The following XXYLT1 variants were observed in gnomAD, a reference collection of about 807,000 sequenced individuals.
The protein encoded by XXYLT1 is xyloside xylosyltransferase 1.
XXYLT1 carries 20 observed loss-of-function variants against 28.9 expected under a neutral mutation model. The ratio of observed to expected loss-of-function variants is 0.69; its 90% CI spans 0.49 to 1.00. XXYLT1 has a LOEUF of 1.00. Ranked by LOEUF, XXYLT1 falls within the 50% of genes least tolerant of loss-of-function variation. The probability of loss-of-function intolerance (pLI) is 0.00; values close to 1 mark genes in which losing one functional copy is unlikely to be tolerated. For missense variants in XXYLT1, 542 were observed against 560.1 expected (o/e 0.97, Z 0.33); for synonymous variants, 257 against 253.8 (o/e 1.01, Z -0.12).
intron 3 of XXYLT1, among the ~76,000 whole-genome samples, chr3:195,110,273 T>TA (rs144294445): frequency 3.7e-3 from 25 of 6,762 alleles, no homozygotes; most frequent in South Asian, 0.011. Context: ...GGGTGTGTGG[T>TA]GTGTGTGGGG....
At chr3:195,109,616 G>C (rs548316806) in intron 3 of XXYLT1, among the ~76,000 whole-genome samples, 1 of 14,574 alleles carries the variant, frequency 6.9e-5, no homozygotes, top group African/African-American at 2.2e-4. Flanking sequence ...TGTGTTGTAT[G>C]AGTGTGTGTG....
intron 1 of XXYLT1, chr3:195,259,480 G>A (rs2108851945): frequency 2.9e-6 from 2 of 690,012 alleles, no homozygotes; most frequent in Non-Finnish European, 3.6e-6. Flanking sequence ...AGGCTGTGAG[G>A]AAGGGCAGCA....
intron 3 of XXYLT1, among the ~76,000 whole-genome samples, chr3:195,088,431 G>A (rs1468748811): frequency 1.4e-5 from 2 of 144,774 alleles, no homozygotes; most frequent in Non-Finnish European, 3.1e-5. Context: ...CACCTCACAG[G>A]GCCGGGTACT....
At chr3:195,196,123 G>A (rs1276325982) in intron 2 of XXYLT1, among the ~76,000 whole-genome samples, 1 of 152,226 alleles carries the variant, frequency 6.6e-6, no homozygotes, top group South Asian at 2.1e-4. Context: ...CTCCGCACCC[G>A]CACTGTCCAA....
Position 195,209,990 on chromosome 3 carries a change from C to G in XXYLT1, c.652+16719G>C, listed in dbSNP as rs1723241068. The G allele has an allele frequency of 6.6e-6, 1 of 152,592 alleles. No homozygotes were observed. Among genetic ancestry groups the G allele is most frequent in the Non-Finnish European group, 1.5e-5 (1 of 68,370 alleles). The allele number at this position is 152,592 out of a possible 1,614,324, so 9.5% of individuals were successfully genotyped here. ...GAGAAGACGCTCAGCAGAGTCAGCCCCAGAGGCGGCTTGGCAAACACACCA... is the reference window on the plus strand; with the variant it reads ...GAGAAGACGCTCAGCAGAGTCAGCCGCAGAGGCGGCTTGGCAAACACACCA... On this transcript the variant is annotated intron_variant, in intron 2 of 3. Transcript: ENST00000310380. This position sits in a 1 kb window ranked among gnomAD's most constrained non-coding sequence, Gnocchi z 5.0.
intron 1 of XXYLT1, among the ~76,000 whole-genome samples, chr3:195,247,110 C>T (rs568542860): frequency 3.3e-5 from 5 of 152,086 alleles, no homozygotes; most frequent in East Asian, 1.9e-4. Flanking sequence ...CTAAATTTTC[C>T]GGACAGTAGA....
At chr3:195,221,013 T>C (rs1036808225) in intron 2 of XXYLT1, among the ~76,000 whole-genome samples, 1 of 152,140 alleles carries the variant, frequency 6.6e-6, no homozygotes, top group African/African-American at 2.4e-5. Context: ...GTACCCTTGA[T>C]AGAATGTGGT....
chr3:195,122,321 C>T (rs1718402937), intron 3 of XXYLT1: 1 of 603,580 alleles, frequency 1.7e-6, no homozygotes, highest in Non-Finnish European at 3.0e-6. Flanking sequence ...TCTAAAAGGG[C>T]TGAGGTTAAA....
Position 195,157,526 on chromosome 3 carries a change from A to G in XXYLT1, c.653-945T>C, listed in dbSNP as rs573135635. On this transcript the variant is annotated intron_variant, in intron 2 of 3. Transcript: ENST00000310380. ...CACCTGGCACCTAAGAGCTGCTTCC[A>G]TCACCTCCAGGTGACTCCGGGCTAG... Among the ~76,000 whole-genome samples, 85 of 152,268 alleles carry G rather than the reference A, an allele frequency of 5.6e-4. 2 individuals carry two copies. The highest frequency in any genetic ancestry group is 5.2e-4 in the Admixed American group (8 of 15,306).
At chr3:195,126,027 A>G (rs1718602324) in intron 3 of XXYLT1, among the ~76,000 whole-genome samples, 1 of 152,246 alleles carries the variant, frequency 6.6e-6, no homozygotes, top group African/African-American at 2.4e-5. Flanking sequence ...CTATATAGTC[A>G]GCAAATGAAA....
intron 3 of XXYLT1, among the ~76,000 whole-genome samples, chr3:195,116,275 C>T (rs183343284): frequency 5.3e-4 from 80 of 152,340 alleles, no homozygotes; most frequent in African/African-American, 1.8e-3. Flanking sequence ...AAGTTCTAAG[C>T]GTGTCTGTTT....
chr3:195,150,961 T>C lies in XXYLT1; in HGVS notation c.785+5488A>G, dbSNP rs1333747929. Among the ~76,000 whole-genome samples the C allele has an allele frequency of 6.6e-6, 1 of 152,062 alleles. No homozygotes were observed. The highest frequency in any genetic ancestry group is 2.4e-5 in the African/African-American group (1 of 41,384). On this transcript the variant is annotated intron_variant, in intron 3 of 3. Transcript: ENST00000310380. This position sits in a 1 kb window ranked among gnomAD's most constrained non-coding sequence, Gnocchi z 4.7. ...GAAGCCAAGCCATGACCAGGCCTCC[T>C]GGTCCCAGTGGCCTCCCCAAATGAC...
At chr3:195,183,310 T>C (rs932398376) in intron 2 of XXYLT1, among the ~76,000 whole-genome samples, 1 of 152,018 alleles carries the variant, frequency 6.6e-6, no homozygotes, top group Non-Finnish European at 1.5e-5. Context: ...TCAGTTCTCA[T>C]GAGATCTGAT....
chr3:195,094,177 G>C (rs1716284206), intron 3 of XXYLT1: 2 of 152,660 alleles, frequency 1.3e-5, no homozygotes, highest in African/African-American at 4.8e-5. Context: ...GCTGGCTGTG[G>C]ACGCACCTTG....
chr3:195,158,161 G>A (rs1720700306), intron 2 of XXYLT1, among the ~76,000 whole-genome samples: 1 of 152,168 alleles, frequency 6.6e-6, no homozygotes, highest in African/African-American at 2.4e-5. Flanking sequence ...ACCTGCTACA[G>A]GTGCTCTCTC....
intron 1 of XXYLT1, among the ~76,000 whole-genome samples, chr3:195,264,920 G>T (rs907994584): frequency 6.6e-6 from 1 of 152,136 alleles, no homozygotes; most frequent in Non-Finnish European, 1.5e-5. Context: ...AGCTGTGCAT[G>T]GAGGCACATG....
At chr3:195,206,117 C>T (rs952545933) in intron 2 of XXYLT1, among the ~76,000 whole-genome samples, 5 of 150,640 alleles carry the variant, frequency 3.3e-5, no homozygotes, top group Admixed American at 6.6e-5. Context: ...CTCTGCCTCC[C>T]GGGTTCACAC....
At position 195,176,851 on chromosome 3, in the gene XXYLT1, G is replaced by A. The variant is rs1212921861; in HGVS notation, c.653-20270C>T. Among the ~76,000 whole-genome samples, 4 of 152,192 alleles carry A rather than the reference G, an allele frequency of 2.6e-5. No homozygotes were observed. Among genetic ancestry groups the A allele is most frequent in the Non-Finnish European group, 5.9e-5 (4 of 68,028 alleles). ...CACAGAGCACAGGCCCACAGGGTCT[G>A]CTGGAAAGGTGATCTGAGAGGTAGG... On this transcript the variant is annotated intron_variant, in intron 2 of 3. Transcript: ENST00000310380. The surrounding 1 kb of genome is among the most constrained non-coding windows in gnomAD (Gnocchi z 4.9).
chr3:195,073,232 C>T (rs1026457370), intron 3 of XXYLT1, among the ~76,000 whole-genome samples: 10 of 152,166 alleles, frequency 6.6e-5, no homozygotes, highest in South Asian at 2.1e-4. Context: ...TGGCACCGGC[C>T]GAGGCCAGGG....
Sources: gnomAD v4.1 joint callset for allele counts (sites outside exome capture counted in the v4.1 genomes callset) on GRCh38, gnomAD v4.1.1 for gene constraint, Gnocchi (gnomAD v3.1) non-coding constraint, MANE v1.5 for transcripts, NCBI Gene and HGNC (gene_info 2026-07-23, HGNC 2026-07-21) for gene names.